DLGAP2: variants seen among roughly 807,000 people sequenced by gnomAD.
DLGAP2 encodes DLG associated protein 2, also known as disks large-associated protein 2.
Under a neutral mutation model 100.3 loss-of-function variants are expected in DLGAP2, and 26 were observed. The ratio of observed to expected loss-of-function variants is 0.26; its 90% CI spans 0.19 to 0.36. The LOEUF (loss-of-function observed/expected upper bound fraction) is 0.36. DLGAP2 is among the 10% of genes least tolerant of loss of function. The pLI is 1.00. For missense variants in DLGAP2, 1,858 were observed against 1,453.2 expected, an observed-to-expected ratio of 1.28 and a Z score of -4.53; for synonymous variants, 886 against 630.1, an observed-to-expected ratio of 1.41 and a Z score of -6.08.
intron 8 of DLGAP2, among the ~76,000 whole-genome samples, chr8:1,633,610 C>T (rs992950620): frequency 5.9e-5 from 9 of 152,192 alleles, no homozygotes; most frequent in African/African-American, 1.9e-4. Context: ...ACCGCCCAAC[C>T]TAAATATCAC....
intron 3 of DLGAP2, among the ~76,000 whole-genome samples, chr8:1,265,270 T>A (rs890371454): frequency 4.6e-5 from 7 of 152,032 alleles, no homozygotes; most frequent in African/African-American, 1.4e-4. Context: ...AAGAAAGACT[T>A]AAAAACAAAC....
At chr8:1,036,963 C>T (rs927024097) in intron 2 of DLGAP2, among the ~76,000 whole-genome samples, 1 of 152,044 alleles carries the variant, frequency 6.6e-6, no homozygotes. Context: ...TGGTTTCCTT[C>T]TCCTGATGAA....
chr8:979,605 C>T (rs971234225), intron 2 of DLGAP2, among the ~76,000 whole-genome samples: 1 of 152,192 alleles, frequency 6.6e-6, no homozygotes. Context: ...TTCTCATTAT[C>T]AGGTAAAGGG....
intron 2 of DLGAP2, among the ~76,000 whole-genome samples, chr8:942,695 A>T (rs897632195): frequency 6.6e-6 from 1 of 152,222 alleles, no homozygotes; most frequent in Non-Finnish European, 1.5e-5. Context: ...ATGTTAGCCA[A>T]CCCCACTTCT....
intron 4 of DLGAP2, among the ~76,000 whole-genome samples, chr8:1,502,564 G>A (rs1205909964): frequency 1.3e-5 from 2 of 152,182 alleles, no homozygotes; most frequent in South Asian, 2.1e-4. Flanking sequence ...TTCTTCACTC[G>A]GAAATAGACG....
At chr8:1,179,731 T>A (rs534768303) in intron 2 of DLGAP2, among the ~76,000 whole-genome samples, 1 of 152,366 alleles carries the variant, frequency 6.6e-6, no homozygotes, top group East Asian at 1.9e-4. Context: ...GTTACACAGC[T>A]ATAATATTTT....
At chr8:1,451,710 G>T (rs1010818264) in intron 3 of DLGAP2, among the ~76,000 whole-genome samples, 1 of 152,054 alleles carries the variant, frequency 6.6e-6, no homozygotes, top group East Asian at 1.9e-4. Flanking sequence ...GCCTCATGCT[G>T]CCTCCGCCTC....
chr8:1,237,663 A>G (rs1336783006), intron 2 of DLGAP2, among the ~76,000 whole-genome samples: 15 of 18,742 alleles, frequency 8.0e-4, no homozygotes, highest in Non-Finnish European at 1.4e-3. Flanking sequence ...ACATAGCGTC[A>G]TGTCTAGTTC....
At chr8:1,145,767 C>G (rs1796595371) in intron 2 of DLGAP2, among the ~76,000 whole-genome samples, 1 of 130,914 alleles carries the variant, frequency 7.6e-6, no homozygotes, top group Non-Finnish European at 1.6e-5. Flanking sequence ...TCCCCCCTCC[C>G]CCCACCCCAC....
intron 6 of DLGAP2, among the ~76,000 whole-genome samples, chr8:1,606,740 T>A (rs1173356579): frequency 1.3e-5 from 2 of 152,174 alleles, no homozygotes; most frequent in Non-Finnish European, 2.9e-5. Flanking sequence ...TGGAGTGCAG[T>A]GGCACAATCT....
intron 2 of DLGAP2, among the ~76,000 whole-genome samples, chr8:1,062,572 C>T (rs1803118597): frequency 6.6e-6 from 1 of 152,182 alleles, no homozygotes; most frequent in Admixed American, 6.5e-5. Context: ...TAGACAGTAG[C>T]CAGCTGGTAG....
Position 787,880 on chromosome 8 carries a change from G to T in DLGAP2, c.18+50055G>T, listed in dbSNP as rs1467716449. Among the ~76,000 whole-genome samples the T allele has an allele frequency of 2.6e-5, 4 of 152,182 alleles. No individual in the cohort carries two copies. In the East Asian group the frequency reaches 7.7e-4, roughly 29 times the overall value. ...TGAGGTGAGGGATGAGGGGTGACGA[G>T]AGGCTGTTCCTCTAATTTTCACCAA... On this transcript the variant is annotated intron_variant, in intron 1 of 14. Coordinates refer to ENST00000637795, the MANE Select transcript of DLGAP2 (RefSeq NM_001346810.2).
chr8:1,424,471 A>G (rs1345224532), intron 3 of DLGAP2, among the ~76,000 whole-genome samples: 1 of 152,246 alleles, frequency 6.6e-6, no homozygotes, highest in Non-Finnish European at 1.5e-5. Context: ...TAGCTGCCCA[A>G]TGGAATGTTA....
intron 3 of DLGAP2, among the ~76,000 whole-genome samples, chr8:1,424,803 A>G (rs903237748): frequency 2.6e-5 from 4 of 152,182 alleles, no homozygotes; most frequent in Non-Finnish European, 5.9e-5. Flanking sequence ...GGACAGTATG[A>G]TCCCCTTATA....
chr8:1,321,223 G>C (rs191163094), intron 3 of DLGAP2, among the ~76,000 whole-genome samples: 1 of 151,394 alleles, frequency 6.6e-6, no homozygotes, highest in East Asian at 2.0e-4. Context: ...CTGCATGTGT[G>C]TGTGCATCTG....
chr8:1,548,587 C>T (rs567521873), intron 4 of DLGAP2, 39 bp from the exon 5 acceptor site: 34 of 1,441,744 alleles, frequency 2.4e-5, no homozygotes, highest in South Asian at 7.1e-5. Context: ...GTTTCCGCCG[C>T]GCTTCCGGGT....
chr8:1,484,736 C>A (rs1310025270), intron 3 of DLGAP2, among the ~76,000 whole-genome samples: 1 of 152,186 alleles, frequency 6.6e-6, no homozygotes, highest in East Asian at 1.9e-4. Flanking sequence ...AAAATTAAAC[C>A]AACCATAGTT....
At chr8:1,064,693 C>G (rs972329959) in intron 2 of DLGAP2, among the ~76,000 whole-genome samples, 1 of 152,170 alleles carries the variant, frequency 6.6e-6, no homozygotes, top group Non-Finnish European at 1.5e-5. Context: ...TGAATGTGAC[C>G]TCTCCACGTA....
At chr8:1,574,130 A>G (rs1383789961) in intron 6 of DLGAP2, among the ~76,000 whole-genome samples, 1 of 152,170 alleles carries the variant, frequency 6.6e-6, no homozygotes, top group East Asian at 1.9e-4. Context: ...CAAAGACAGC[A>G]TATTTACGGG....
Sources: allele counts gnomAD v4.1 joint callset (sites outside exome capture counted in the v4.1 genomes callset), GRCh38; gene constraint gnomAD v4.1.1; transcripts MANE v1.5; gene names NCBI Gene and HGNC (gene_info 2026-07-23, HGNC 2026-07-21).